PLAGL2: variants seen among roughly 807,000 people sequenced by gnomAD.
PLAGL2 encodes PLAG1 like zinc finger 2.
PLAGL2 carries 7 observed loss-of-function variants against 29.0 expected under a neutral mutation model. The observed-to-expected ratio is 0.24, with a 90% CI of 0.14 to 0.45. The LOEUF (loss-of-function observed/expected upper bound fraction) is 0.45. Among genes scored for constraint, PLAGL2 ranks in the 20% least tolerant of loss-of-function variants. PLAGL2 has a pLI of 0.99. For synonymous variants in PLAGL2, 234 were observed against 266.0 expected, an observed-to-expected ratio of 0.88 and a Z score of 1.17; for missense variants, 454 against 648.2, an observed-to-expected ratio of 0.70 and a Z score of 3.25.
Position 32,196,294 on chromosome 20 carries a change from C to T in PLAGL2, c.*158G>A, listed in dbSNP as rs1600372797. ...CTCCTTCTGGAATCGATCCTAGAGC[C>T]TGAACCCCCAAACCAAGTGCTCCTG... On this transcript the variant is annotated 3_prime_UTR_variant, in exon 3 of 3. Coordinates refer to ENST00000246229, the MANE Select transcript of PLAGL2 (RefSeq NM_002657.3). 3 of 449,018 alleles carry T rather than the reference C, an allele frequency of 6.7e-6. No homozygotes were observed. In the East Asian group the frequency reaches 1.0e-4, roughly 15 times the overall value. 27.8% of individuals were successfully genotyped at this position (449,018 alleles called of 1,614,324 possible). A position where few individuals can be genotyped will look rare whatever the true frequency, so the allele number is the denominator to read the frequency against.
At position 32,197,925 on chromosome 20, in the gene PLAGL2, T is replaced by C. The variant is rs1026725956; in HGVS notation, c.261-243A>G. Among the ~76,000 whole-genome samples, 2 of 152,198 alleles carry C rather than the reference T, an allele frequency of 1.3e-5. No individual in the cohort carries two copies. Among genetic ancestry groups the C allele is most frequent in the African/African-American group, 4.8e-5 (2 of 41,450 alleles). On this transcript the variant is annotated intron_variant, in intron 2 of 2. Transcript: ENST00000246229. This position sits in a 1 kb window ranked among gnomAD's most constrained non-coding sequence, Gnocchi z 6.6. ...AAAAAAATCAGAAACAATCTGAACG[T>C]CCAATCTATCAATAGGGAACTGGTT...
At chr20:32,205,113 G>T (rs887980576) in intron 1 of PLAGL2, among the ~76,000 whole-genome samples, 3 of 152,088 alleles carry the variant, frequency 2.0e-5, no homozygotes, top group Admixed American at 6.6e-5. Flanking sequence ...TCGTATAGAG[G>T]ATTAAATGAA....
intron 1 of PLAGL2, among the ~76,000 whole-genome samples, chr20:32,204,755 C>T (rs539814707): frequency 1.3e-5 from 2 of 152,210 alleles, no homozygotes; most frequent in African/African-American, 4.8e-5. Flanking sequence ...AGGCCTGTTC[C>T]TTCAGACTTG....
rs1251886460 is a variant in PLAGL2 at position 32,194,765 on chromosome 20, A to C, written c.*1687T>G. ...CTGGAGAAGTCAGCATGAGGCACCT[A>C]CTGAGAGAAGTGCCCAGAAACTGCT... On this transcript the variant is annotated 3_prime_UTR_variant, in exon 3 of 3. Coordinates refer to ENST00000246229, the MANE Select transcript of PLAGL2 (RefSeq NM_002657.3). 1.3e-5 allele frequency: 2 copies of C among 152,650 alleles called. No homozygotes were observed. The highest frequency in any genetic ancestry group is 3.8e-4 in the East Asian group (2 of 5,196). The allele number at this position is 152,650 out of a possible 1,614,324, so 9.5% of individuals were successfully genotyped here. A position where few individuals can be genotyped will look rare whatever the true frequency, so the allele number is the denominator to read the frequency against.
rs555939080 is a variant in PLAGL2, at chr20:32,195,379, A to G, written c.*1073T>C. 3.3e-5 allele frequency: 5 copies of G among 152,678 alleles called. No homozygotes were observed. Among genetic ancestry groups the G allele is most frequent in the South Asian group, 2.1e-4 (1 of 4,834 alleles). The allele number at this position is 152,678 out of a possible 1,614,324, so 9.5% of individuals were successfully genotyped here. A position where few individuals can be genotyped will look rare whatever the true frequency, so the allele number is the denominator to read the frequency against. ...AACCCAGACTCTGCTTCCAAGACTA[A>G]TAACAACAGCTCATGATGTTCAAGG... On this transcript the variant is annotated 3_prime_UTR_variant, in exon 3 of 3. Coordinates refer to ENST00000246229, the MANE Select transcript of PLAGL2 (RefSeq NM_002657.3).
rs1226955593 is a variant in PLAGL2 at position 32,196,260 on chromosome 20, G to T, written c.*192C>A. On this transcript the variant is annotated 3_prime_UTR_variant, in exon 3 of 3. Coordinates refer to ENST00000246229, the MANE Select transcript of PLAGL2 (RefSeq NM_002657.3). ...GTATGAGATCTTTTCACGGGGTTGG[G>T]GCTCAAGGCTCCTTCTGGAATCGAT... The T allele has an allele frequency of 2.5e-5, 10 of 404,590 alleles. No homozygotes were observed. Among genetic ancestry groups the T allele is most frequent in the Non-Finnish European group, 3.9e-5 (9 of 229,184 alleles). 25.1% of individuals were successfully genotyped at this position (404,590 alleles called of 1,614,324 possible).
At chr20:32,199,814 T>A (rs1380433590) in intron 2 of PLAGL2, among the ~76,000 whole-genome samples, 1 of 151,242 alleles carries the variant, frequency 6.6e-6, no homozygotes, top group Non-Finnish European at 1.5e-5. Context: ...TACTCCAGCT[T>A]GGGCAAAAGT....
In PLAGL2 at chr20:32,196,337, T is replaced by A; in HGVS notation, c.*115A>T. 2.7e-6 allele frequency: 2 copies of A among 740,430 alleles called. No individual in the cohort carries two copies. The highest frequency in any genetic ancestry group is 4.5e-5 in the South Asian group (1 of 22,038). The allele number at this position is 740,430 out of a possible 1,614,324, so 45.9% of individuals were successfully genotyped here. A position where few individuals can be genotyped will look rare whatever the true frequency, so the allele number is the denominator to read the frequency against. ...TGCTCCTGTATACAGACACTGGAAT[T>A]TTTTTTTTTGAACCCAGCTCTGAAA... is the stretch of plus-strand genomic sequence containing the variant. On this transcript the variant is annotated 3_prime_UTR_variant, in exon 3 of 3. Coordinates refer to ENST00000246229, the MANE Select transcript of PLAGL2 (RefSeq NM_002657.3).
Position 32,195,364 on chromosome 20 carries a change from C to G in PLAGL2, c.*1088G>C, listed in dbSNP as rs558788412. On this transcript the variant is annotated 3_prime_UTR_variant, in exon 3 of 3. Transcript: ENST00000246229. ...TTTGCTATCCACACCAACCCAGACT[C>G]TGCTTCCAAGACTAATAACAACAGC... 1.0e-4 allele frequency: 16 copies of G among 152,788 alleles called. No individual in the cohort carries two copies. Among genetic ancestry groups the G allele is most frequent in the African/African-American group, 3.8e-4 (16 of 41,564 alleles). The allele number at this position is 152,788 out of a possible 1,614,324, so 9.5% of individuals were successfully genotyped here. A position where few individuals can be genotyped will look rare whatever the true frequency, so the allele number is the denominator to read the frequency against.
rs1226463183 is a variant in PLAGL2, at chr20:32,196,022, T to G, written c.*430A>C. 6.5e-6 allele frequency: 1 copy of G among 153,760 alleles called. No homozygotes were observed. The highest frequency in any genetic ancestry group is 1.9e-4 in the East Asian group (1 of 5,246). The allele number at this position is 153,760 out of a possible 1,614,324, so 9.5% of individuals were successfully genotyped here. A position where few individuals can be genotyped will look rare whatever the true frequency, so the allele number is the denominator to read the frequency against. ...CCTTCTACAGCAGGGCCTGACCAAC[T>G]GACTGCTGTGGGGTCTGCAGGTTGG... On this transcript the variant is annotated 3_prime_UTR_variant, in exon 3 of 3. Transcript: ENST00000246229.
At chr20:32,205,578 G>C (rs2047282198) in intron 1 of PLAGL2, among the ~76,000 whole-genome samples, 1 of 152,188 alleles carries the variant, frequency 6.6e-6, no homozygotes, top group South Asian at 2.1e-4. Context: ...CATGATGCCT[G>C]CTGCTCTCTG....
At chr20:32,207,615 C>T in intron 1 of PLAGL2, 26 bp downstream of exon 1, 1 of 161,396 alleles carries the variant, frequency 6.2e-6, no homozygotes, top group Non-Finnish European at 1.3e-5. Context: ...TCCCCGCCGT[C>T]CCCTGGGGCC....
At chr20:32,198,583 G>A (rs1462484656) in intron 2 of PLAGL2, among the ~76,000 whole-genome samples, 1 of 152,206 alleles carries the variant, frequency 6.6e-6, no homozygotes, top group Admixed American at 6.5e-5. Flanking sequence ...GTTGCAGTGA[G>A]CTGTGATCGC....
intron 1 of PLAGL2, among the ~76,000 whole-genome samples, chr20:32,205,193 C>T (rs1464078074): frequency 1.3e-5 from 2 of 152,166 alleles, no homozygotes; most frequent in Non-Finnish European, 2.9e-5. Context: ...TCTGAGGTCT[C>T]GGCTGTGTCT....
At position 32,194,307 on chromosome 20, in the gene PLAGL2, A is replaced by G. The variant is rs1161815154; in HGVS notation, c.*2145T>C. The G allele has an allele frequency of 1.3e-5, 2 of 152,260 alleles. No homozygotes were observed. The highest frequency in any genetic ancestry group is 4.8e-5 in the African/African-American group (2 of 41,458). The allele number at this position is 152,260 out of a possible 1,614,324, so 9.4% of individuals were successfully genotyped here. ...AGTCCCAACTGGATTCTCACATACC[A>G]TCACCTATAATACAAGTCCCAATAA... On this transcript the variant is annotated 3_prime_UTR_variant, in exon 3 of 3. Coordinates refer to ENST00000246229, the MANE Select transcript of PLAGL2 (RefSeq NM_002657.3).
At chr20:32,202,382 C>A in intron 1 of PLAGL2, 90 bp from the exon 2 acceptor site, 1 of 588,744 alleles carries the variant, frequency 1.7e-6, no homozygotes, top group Non-Finnish European at 3.0e-6. Context: ...AATCCCAGCC[C>A]TTCCACTTAG....
Position 32,197,026 on chromosome 20 carries a change from G to T in PLAGL2, c.917C>A (p.Pro306His). The change falls in exon 3 of 3, where the codon CCC becomes CAC. Residue 306 changes from proline to histidine, a missense_variant. Physicochemically the swap from Pro to His is moderately conservative, Grantham distance 77. Transcript: ENST00000246229. This position sits in a 1 kb window ranked among gnomAD's most constrained non-coding sequence, Gnocchi z 6.6. ...GMYGAHIPTM[P>H]STGVPHSLVH... ...CAGGGAGTGTGGCACGCCCGTGCTG[G>T]GCATGGTAGGGATGTGGGCACCATA... 1 of 1,614,196 alleles carries T rather than the reference G, an allele frequency of 6.2e-7. No individual in the cohort carries two copies. The highest frequency in any genetic ancestry group is 8.5e-7 in the Non-Finnish European group (1 of 1,180,030).
chr20:32,197,026 G>A lies in PLAGL2; in HGVS notation c.917C>T (p.Pro306Leu). 2 of 1,614,194 alleles carry A rather than the reference G, an allele frequency of 1.2e-6. No individual in the cohort carries two copies. Among genetic ancestry groups the A allele is most frequent in the Non-Finnish European group, 8.5e-7 (1 of 1,180,028 alleles). The part of the protein sequence containing the change: ...GMYGAHIPTM[P>L]STGVPHSLVH... ...CAGGGAGTGTGGCACGCCCGTGCTG[G>A]GCATGGTAGGGATGTGGGCACCATA... Residue 306 changes from proline to leucine, a missense_variant, in exon 3 of 3, where the codon CCC becomes CTC. By Grantham distance (98) the Pro-to-Leu change is moderately conservative. Coordinates refer to ENST00000246229, the MANE Select transcript of PLAGL2 (RefSeq NM_002657.3). This position sits in a 1 kb window ranked among gnomAD's most constrained non-coding sequence, Gnocchi z 6.6.
chr20:32,198,761 T>G (rs1377840215), intron 2 of PLAGL2, among the ~76,000 whole-genome samples: 1 of 152,182 alleles, frequency 6.6e-6, no homozygotes, highest in African/African-American at 2.4e-5. Flanking sequence ...AGAAAGAGAA[T>G]ATACATGTTT....
Sources: allele counts gnomAD v4.1 joint callset (sites outside exome capture counted in the v4.1 genomes callset), GRCh38; gene constraint gnomAD v4.1.1; non-coding constraint Gnocchi (gnomAD v3.1); transcripts MANE v1.5; gene names NCBI Gene and HGNC (gene_info 2026-07-23, HGNC 2026-07-21).